EEF1AKMT2: variants seen among roughly 807,000 people sequenced by gnomAD.
The protein encoded by EEF1AKMT2 is eukaryotic translation elongation factor 1 alpha lysine methyltransferase 2.
EEF1AKMT2 carries 32 observed loss-of-function variants against 35.8 expected under a neutral mutation model. The ratio of observed to expected loss-of-function variants is 0.89; its 90% CI spans 0.67 to 1.20. The LOEUF is 1.20. Among genes scored for constraint, EEF1AKMT2 ranks in the 50% most tolerant of loss-of-function variants. EEF1AKMT2 has a pLI of 0.00. For synonymous variants in EEF1AKMT2, 121 were observed against 133.7 expected (o/e 0.91, Z 0.65); for missense variants, 330 against 347.5 (o/e 0.95, Z 0.40).
At chr10:124,777,587 A>G (rs1391166220) in intron 3 of EEF1AKMT2, among the ~76,000 whole-genome samples, 1 of 151,434 alleles carries the variant, frequency 6.6e-6, no homozygotes, top group African/African-American at 2.4e-5. Context: ...TAGCACAATC[A>G]TGGCTTACTG....
At chr10:124,790,211 T>A in intron 2 of EEF1AKMT2, 62 bp downstream of exon 2, 1 of 1,324,394 alleles carries the variant, frequency 7.6e-7, no homozygotes, top group Admixed American at 1.7e-5. Flanking sequence ...CGTATTTTTT[T>A]AAACACACAC....
intron 3 of EEF1AKMT2, chr10:124,782,885 C>A: frequency 9.3e-6 from 3 of 322,460 alleles, no homozygotes; most frequent in East Asian, 8.9e-5. Flanking sequence ...TATCAATAAT[C>A]ACATTGAACA....
chr10:124,791,570 A>C (rs1950634720), intron 1 of EEF1AKMT2, among the ~76,000 whole-genome samples, 154 bp downstream of exon 1: 1 of 152,064 alleles, frequency 6.6e-6, no homozygotes, highest in South Asian at 2.1e-4. Context: ...CACTCTTTGA[A>C]ATCCCCGTAA....
chr10:124,767,657 A>G (rs1950391197), intron 4 of EEF1AKMT2, among the ~76,000 whole-genome samples: 1 of 152,202 alleles, frequency 6.6e-6, no homozygotes, highest in African/African-American at 2.4e-5. Context: ...TAAGACATTA[A>G]GTGACTTGGA....
chr10:124,780,675 T>A (rs1334962837), intron 3 of EEF1AKMT2, among the ~76,000 whole-genome samples: 14 of 146,502 alleles, frequency 9.6e-5, no homozygotes, highest in Non-Finnish European at 1.9e-4. Flanking sequence ...AAGACAGTAA[T>A]ACAGAAAAAA....
chr10:124,782,878 C>A, intron 3 of EEF1AKMT2: 2 of 305,950 alleles, frequency 6.5e-6, no homozygotes, highest in South Asian at 5.3e-5. Context: ...CCAAACGTAT[C>A]AATAATCACA....
chr10:124,763,160 T>C (rs1223155824), intron 5 of EEF1AKMT2, among the ~76,000 whole-genome samples: 2 of 152,204 alleles, frequency 1.3e-5, no homozygotes, highest in African/African-American at 4.8e-5. Context: ...CTCCCTTAAA[T>C]TGCTTCTGAA....
intron 6 of EEF1AKMT2, among the ~76,000 whole-genome samples, chr10:124,760,958 C>T (rs1564898920): frequency 6.6e-6 from 1 of 152,234 alleles, no homozygotes; most frequent in African/African-American, 2.4e-5. Context: ...CAACCTCTGC[C>T]TCCAGAGTTC....
intron 4 of EEF1AKMT2, among the ~76,000 whole-genome samples, chr10:124,768,822 G>A (rs971049260): frequency 6.6e-6 from 1 of 152,004 alleles, no homozygotes; most frequent in African/African-American, 2.4e-5. Context: ...GAGTGGAAAT[G>A]GAGGGGCAAA....
chr10:124,757,201 C>CACACACACAT (rs58336696), downstream of EEF1AKMT2, among the ~76,000 whole-genome samples: 3 of 137,328 alleles, frequency 2.2e-5, no homozygotes, highest in African/African-American at 8.2e-5. Flanking sequence ...CACACACACA[C>CACACACACAT]GACATTAGCT....
intron 3 of EEF1AKMT2, among the ~76,000 whole-genome samples, chr10:124,787,506 C>G (rs961219235): frequency 6.8e-6 from 1 of 147,038 alleles, no homozygotes; most frequent in Admixed American, 6.8e-5. Flanking sequence ...TCATTTATAC[C>G]TTCAAAAACA....
At chr10:124,765,691 T>C in intron 4 of EEF1AKMT2, 83 bp from the exon 5 acceptor site, 1 of 975,906 alleles carries the variant, frequency 1.0e-6, no homozygotes, top group Non-Finnish European at 1.5e-6. Flanking sequence ...AAAAGGTTAT[T>C]AATAAAAGGA....
chr10:124,776,008 C>T (rs552203243), intron 3 of EEF1AKMT2, among the ~76,000 whole-genome samples: 82 of 152,014 alleles, frequency 5.4e-4, no homozygotes, highest in African/African-American at 2.0e-3. Context: ...AGCTCTGCCT[C>T]CCGGGTTCAC....
At chr10:124,772,052 T>A (rs1950441416) in intron 4 of EEF1AKMT2, among the ~76,000 whole-genome samples, 1 of 152,152 alleles carries the variant, frequency 6.6e-6, no homozygotes, top group Non-Finnish European at 1.5e-5. Flanking sequence ...GCTTTGTTGT[T>A]CCATTTATAG....
At position 124,788,710 on chromosome 10, in the gene EEF1AKMT2, T is replaced by TTATATATATA. The variant is rs146577563; in HGVS notation, c.291+323_291+332dup. ...CTACTGGAATTGCAAAAGGTCATCT[T>TTATATATATA]TATATATATATATATATATGCATTT... On this transcript the variant is annotated intron_variant, in intron 3 of 6. Transcript: ENST00000368836. Among the ~76,000 whole-genome samples, 218 of 92,568 alleles carry TTATATATATA rather than the reference T, an allele frequency of 2.4e-3. 15 individuals are homozygous for TTATATATATA. The highest frequency in any genetic ancestry group is 6.8e-3 in the South Asian group (14 of 2,046). The allele number at this position is 92,568 out of a possible 152,430, so 60.7% of individuals were successfully genotyped here. A position where few individuals can be genotyped will look rare whatever the true frequency, so the allele number is the denominator to read the frequency against.
intron 3 of EEF1AKMT2, among the ~76,000 whole-genome samples, chr10:124,776,075 G>A (rs1022511647): frequency 1.3e-5 from 2 of 151,884 alleles, no homozygotes; most frequent in African/African-American, 2.4e-5. Context: ...CCGCCACCAC[G>A]CCCAGCTAAT....
chr10:124,772,113 G>A (rs185845747), intron 4 of EEF1AKMT2, among the ~76,000 whole-genome samples: 3 of 152,086 alleles, frequency 2.0e-5, no homozygotes, highest in South Asian at 4.1e-4. Flanking sequence ...TCAGATTTTC[G>A]GAATGGGAAA....
At chr10:124,761,069 T>C (rs996761926) in intron 6 of EEF1AKMT2, among the ~76,000 whole-genome samples, 1 of 152,220 alleles carries the variant, frequency 6.6e-6, no homozygotes, top group Non-Finnish European at 1.5e-5. Flanking sequence ...GGTTTCGCCA[T>C]GTTGGCCAGG....
chr10:124,782,108 G>C (rs1232658703), intron 3 of EEF1AKMT2, among the ~76,000 whole-genome samples: 1 of 152,134 alleles, frequency 6.6e-6, no homozygotes, highest in Non-Finnish European at 1.5e-5. Context: ...TACGCAAAGA[G>C]ATATATTCAA....
Sources: gnomAD v4.1 joint callset for allele counts (sites outside exome capture counted in the v4.1 genomes callset) on GRCh38, gnomAD v4.1.1 for gene constraint, MANE v1.5 for transcripts, NCBI Gene and HGNC (gene_info 2026-07-23, HGNC 2026-07-21) for gene names.